Variants in MAD1L1 observed in about 807,000 individuals in gnomAD.
MAD1L1 encodes mitotic spindle assembly checkpoint protein MAD1.
MAD1L1 carries 95 observed loss-of-function variants against 96.9 expected under a neutral mutation model. That is an observed-to-expected ratio of 0.98 (90% CI 0.83 to 1.16). MAD1L1 has a LOEUF of 1.16. Ranked by LOEUF, MAD1L1 falls within the 50% of genes most tolerant of loss-of-function variation. MAD1L1 has a pLI of 0.00. For missense variants in MAD1L1, 1,007 were observed against 954.4 expected, an observed-to-expected ratio of 1.06 and a Z score of -0.73; for synonymous variants, 473 against 396.6, an observed-to-expected ratio of 1.19 and a Z score of -2.29.
rs538987143 is a variant in MAD1L1, at chr7:2,142,928, C to A, written c.1073+6224G>T. Among the ~76,000 whole-genome samples the A allele has an allele frequency of 6.6e-6, 1 of 152,206 alleles. No individual in the cohort carries two copies. Among genetic ancestry groups the A allele is most frequent in the Non-Finnish European group, 1.5e-5 (1 of 68,036 alleles). On this transcript the variant is annotated intron_variant, in intron 11 of 18. Coordinates refer to ENST00000265854, the MANE Select transcript of MAD1L1 (RefSeq NM_001013836.2). This position sits in a 1 kb window ranked among gnomAD's most constrained non-coding sequence, Gnocchi z 4.7. Reference sequence around the variant, plus strand: ...GTCACCTTGACCTCCCAGATGCCCCCACCGCCTAACCCGTCTGATCATCAC... The same window carrying A: ...GTCACCTTGACCTCCCAGATGCCCCAACCGCCTAACCCGTCTGATCATCAC...
intron 17 of MAD1L1, among the ~76,000 whole-genome samples, chr7:1,919,247 C>T (rs1788623151): frequency 6.6e-6 from 1 of 152,256 alleles, no homozygotes. Flanking sequence ...ACTGTTACGA[C>T]GTGGAGCAGG....
At chr7:2,198,552 A>G (rs962540087) in intron 10 of MAD1L1, among the ~76,000 whole-genome samples, 1 of 152,244 alleles carries the variant, frequency 6.6e-6, no homozygotes, top group South Asian at 2.1e-4. Context: ...CGGGACAGCA[A>G]TCGCGCTCTG....
intron 18 of MAD1L1, among the ~76,000 whole-genome samples, chr7:1,837,219 G>A (rs183468089): frequency 8.5e-5 from 13 of 152,312 alleles, no homozygotes; most frequent in Admixed American, 4.6e-4. Flanking sequence ...AGTGTCATTC[G>A]TCATGAGGAA....
chr7:2,153,285 C>T (rs764477087), intron 10 of MAD1L1, among the ~76,000 whole-genome samples: 6 of 152,004 alleles, frequency 3.9e-5, no homozygotes, highest in Non-Finnish European at 5.9e-5. Flanking sequence ...GTCAACTCTT[C>T]GGCCAATAAG....
chr7:1,827,919 G>A (rs918622358), intron 18 of MAD1L1, among the ~76,000 whole-genome samples: 3 of 152,178 alleles, frequency 2.0e-5, no homozygotes, highest in Non-Finnish European at 2.9e-5. Context: ...CCACCCAGGC[G>A]AGGCCCATGC....
At chr7:2,082,526 T>C (rs1260836446) in intron 11 of MAD1L1, among the ~76,000 whole-genome samples, 1 of 152,180 alleles carries the variant, frequency 6.6e-6, no homozygotes, top group Non-Finnish European at 1.5e-5. Flanking sequence ...AGCTGGGCTC[T>C]GGCCGGCGTC....
rs147136135 is a variant in MAD1L1 at position 2,126,982 on chromosome 7, G to A, written c.1073+22170C>T. Among the ~76,000 whole-genome samples, 168 of 152,322 alleles carry A rather than the reference G, an allele frequency of 1.1e-3. 1 individual carries two copies. In the East Asian group the frequency reaches 0.024, roughly 22 times the overall value. Reference sequence around the variant, plus strand: ...ACTGAGAACCTGGGATAAAGCCAGCGGGCCAAGTCAGGTGTGAGTTCAGTC... The same window carrying A: ...ACTGAGAACCTGGGATAAAGCCAGCAGGCCAAGTCAGGTGTGAGTTCAGTC... On this transcript the variant is annotated intron_variant, in intron 11 of 18. Transcript: ENST00000265854.
chr7:2,008,173 G>A (rs111543129), intron 13 of MAD1L1, among the ~76,000 whole-genome samples: 1,754 of 152,302 alleles, frequency 0.012, 10 homozygotes, highest in Admixed American at 0.02. Flanking sequence ...CCCAGAGCTC[G>A]GGGAGAACCA....
At chr7:2,083,541 G>A (rs946698109) in intron 11 of MAD1L1, among the ~76,000 whole-genome samples, 2 of 152,244 alleles carry the variant, frequency 1.3e-5, no homozygotes, top group Non-Finnish European at 2.9e-5. Flanking sequence ...CAGCGGAGAG[G>A]CCTCCAAGGT....
chr7:2,184,320 T>G (rs1791355782), intron 10 of MAD1L1, among the ~76,000 whole-genome samples: 1 of 151,762 alleles, frequency 6.6e-6, no homozygotes, highest in Non-Finnish European at 1.5e-5. Context: ...AACTGGTCAT[T>G]AGGGAACGTG....
rs529302917 is a variant in MAD1L1, at chr7:2,211,065, G to A, written c.986+2147C>T. On this transcript the variant is annotated intron_variant, in intron 10 of 18. Coordinates refer to ENST00000265854, the MANE Select transcript of MAD1L1 (RefSeq NM_001013836.2). ...AGGGGGAGCCTTGAATCCAGCCTCC[G>A]AAGAACTATCTGTGTTCCTCATCAA... Among the ~76,000 whole-genome samples the A allele has an allele frequency of 5.6e-4, 86 of 152,338 alleles. 1 individual carries two copies. In the South Asian group the frequency reaches 6.4e-3, roughly 11 times the overall value.
chr7:1,856,968 C>T (rs1784288959), intron 18 of MAD1L1, among the ~76,000 whole-genome samples: 1 of 152,146 alleles, frequency 6.6e-6, no homozygotes, highest in African/African-American at 2.4e-5. Context: ...TTCCTGGACC[C>T]CCCAGGAAAC....
chr7:1,818,331 G>A (rs1781935932), intron 18 of MAD1L1, among the ~76,000 whole-genome samples: 1 of 152,078 alleles, frequency 6.6e-6, no homozygotes, highest in African/African-American at 2.4e-5. Flanking sequence ...CCAGGCACCC[G>A]CCTTCCCCGG....
intron 3 of MAD1L1, 95 bp downstream of exon 3, chr7:2,229,889 T>G (rs1364377220): frequency 1.5e-6 from 2 of 1,359,130 alleles, no homozygotes. Context: ...GCTCTGCTAA[T>G]ACCGACCCAC....
chr7:1,843,226 G>A (rs1783381615), intron 18 of MAD1L1, among the ~76,000 whole-genome samples: 1 of 152,236 alleles, frequency 6.6e-6, no homozygotes. Context: ...CCTGCAGAAT[G>A]ATGCTCTTTC....
chr7:1,906,353 G>A (rs1293858523), intron 17 of MAD1L1, among the ~76,000 whole-genome samples: 1 of 152,230 alleles, frequency 6.6e-6, no homozygotes, highest in Non-Finnish European at 1.5e-5. Context: ...CTTGAGCTGA[G>A]GCAGGGCTCT....
At chr7:1,832,852 G>T (rs544747801) in intron 18 of MAD1L1, among the ~76,000 whole-genome samples, 19 of 152,132 alleles carry the variant, frequency 1.2e-4, no homozygotes, top group Middle Eastern at 3.4e-3. Context: ...GGCTGGTCTC[G>T]AACTACTGGC....
chr7:2,218,742 T>C (rs1324308916), intron 6 of MAD1L1, among the ~76,000 whole-genome samples: 1 of 151,412 alleles, frequency 6.6e-6, no homozygotes. Context: ...CCGCCATCTC[T>C]ACAAAACGTT....
rs532538518 is a variant in MAD1L1, at chr7:1,915,095, C to T, written c.1808-16705G>A. On this transcript the variant is annotated intron_variant, in intron 17 of 18. Transcript: ENST00000265854. ...ACCCTGGTGCCAGGGTCCTCAGAAGCGCTGCTCAGCTATTCATTCACCCAG... is the reference window on the plus strand; with the variant it reads ...ACCCTGGTGCCAGGGTCCTCAGAAGTGCTGCTCAGCTATTCATTCACCCAG... 8.5e-5 allele frequency among the ~76,000 whole-genome samples: 13 copies of T among 152,300 alleles called. No homozygotes were observed. The South Asian group carries it at 1.0e-3, about 12-fold the overall frequency.
Sources: gnomAD v4.1 joint callset for allele counts (sites outside exome capture counted in the v4.1 genomes callset) on GRCh38, gnomAD v4.1.1 for gene constraint, Gnocchi (gnomAD v3.1) non-coding constraint, MANE v1.5 for transcripts, NCBI Gene and HGNC (gene_info 2026-07-23, HGNC 2026-07-21) for gene names.